Variants in UPP2 observed in about 807,000 individuals in gnomAD.
The protein encoded by UPP2 is uridine phosphorylase 2.
UPP2 carries 23 observed loss-of-function variants against 26.7 expected under a neutral mutation model. The ratio of observed to expected loss-of-function variants is 0.86; its 90% confidence interval spans 0.62 to 1.22. The LOEUF (loss-of-function observed/expected upper bound fraction) is 1.22, where lower values mean the gene tolerates loss of function less well. Ranked by LOEUF, UPP2 falls within the 50% of genes most tolerant of loss-of-function variation. The pLI, the probability that UPP2 is intolerant of heterozygous loss-of-function variation, is 0.00. For synonymous variants in UPP2, 127 were observed against 141.3 expected (o/e 0.90, Z 0.72); for missense variants, 387 against 396.7 (o/e 0.98, Z 0.21).
At chr2:158,076,508 G>A (rs372447962) in intron 3 of UPP2, among the ~76,000 whole-genome samples, 93 of 152,134 alleles carry the variant, frequency 6.1e-4, no homozygotes, top group African/African-American at 2.2e-3. Flanking sequence ...ATGCAAGGAT[G>A]GTTCAACATA....
At chr2:158,005,852 C>A (rs1045353743) in intron 2 of UPP2, among the ~76,000 whole-genome samples, 3 of 152,136 alleles carry the variant, frequency 2.0e-5, no homozygotes, top group Non-Finnish European at 4.4e-5. Context: ...GAGCAGCTCA[C>A]ACTCCACACA....
chr2:158,001,819 C>T (rs1204000023), intron 2 of UPP2, among the ~76,000 whole-genome samples: 3 of 152,056 alleles, frequency 2.0e-5, no homozygotes, highest in South Asian at 4.1e-4. Context: ...GAAAGCAAAA[C>T]ACTGCTTGCA....
At chr2:158,059,595 G>A (rs114342557) in intron 3 of UPP2, among the ~76,000 whole-genome samples, 2 of 152,186 alleles carry the variant, frequency 1.3e-5, no homozygotes, top group African/African-American at 4.8e-5. Flanking sequence ...ACTTGACTTT[G>A]GTCATATTGG....
chr2:158,119,232 C>G (rs1683507747), intron 4 of UPP2, among the ~76,000 whole-genome samples: 1 of 152,048 alleles, frequency 6.6e-6, no homozygotes, highest in South Asian at 2.1e-4. Context: ...TTAACAAACA[C>G]CAGCATGGGC....
At chr2:158,109,646 A>C (rs903939920) in intron 2 of UPP2, among the ~76,000 whole-genome samples, 10 of 152,132 alleles carry the variant, frequency 6.6e-5, no homozygotes, top group African/African-American at 2.4e-4. Flanking sequence ...AATTCTAGTC[A>C]CTGGAACCCA....
rs1442487955 is a variant in UPP2, at chr2:157,996,746, C to T, written c.61+1487C>T. 3.3e-5 allele frequency among the ~76,000 whole-genome samples: 5 copies of T among 152,142 alleles called. No homozygotes were observed. In the East Asian group the frequency reaches 9.7e-4, roughly 29 times the overall value. The stretch of plus-strand genomic sequence containing the variant: ...TAGGATTGCTTTAGGGGACACATAT[C>T]GATGAAGCATATTGATTAAACTTCA... On this transcript the variant is annotated intron_variant, in intron 2 of 9. Coordinates refer to the UPP2 transcript ENST00000605860.
chr2:158,027,164 TCTTAA>T (rs1359131119), intron 3 of UPP2, among the ~76,000 whole-genome samples: 1 of 152,026 alleles, frequency 6.6e-6, no homozygotes, highest in African/African-American at 2.4e-5. Flanking sequence ...TCCCCTAAAG[TCTTAA>T]CTCATTTCAG....
chr2:158,068,800 A>T lies in UPP2; in HGVS notation c.148-33240A>T, dbSNP rs1341556965. The stretch of plus-strand genomic sequence containing the variant: ...TATATATATATATATATATATATAT[A>T]TATTTTTTTTTTTTTTTTTTTTTTT... On this transcript the variant is annotated intron_variant, in intron 3 of 9. Transcript: ENST00000605860. 1.4e-3 allele frequency among the ~76,000 whole-genome samples: 23 copies of T among 16,676 alleles called. 1 individual carries two copies. Among genetic ancestry groups the T allele is most frequent in the African/African-American group, 3.3e-3 (13 of 3,940 alleles). 10.9% of individuals were successfully genotyped at this position (16,676 alleles called of 152,430 possible).
At chr2:157,995,230 A>G in exon 2 of UPP2, 1 of 1,613,734 alleles carries the variant, frequency 6.2e-7, no homozygotes, top group Non-Finnish European at 8.5e-7. Flanking sequence ...TTGGACCCAG[A>G]CCAAGAAGTG....
intron 3 of UPP2, among the ~76,000 whole-genome samples, chr2:158,041,828 C>A (rs755140782): frequency 1.3e-5 from 2 of 152,138 alleles, no homozygotes; most frequent in Non-Finnish European, 2.9e-5. Flanking sequence ...CCCACCTCCC[C>A]CACACTGAAT....
At chr2:158,092,148 C>T (rs146567368) in intron 3 of UPP2, among the ~76,000 whole-genome samples, 1 of 152,176 alleles carries the variant, frequency 6.6e-6, no homozygotes, top group Non-Finnish European at 1.5e-5. Flanking sequence ...GGTGGCCTAA[C>T]ATACATCTAA....
At chr2:157,998,343 T>C (rs1014650344) in intron 2 of UPP2, among the ~76,000 whole-genome samples, 8 of 152,168 alleles carry the variant, frequency 5.3e-5, no homozygotes, top group African/African-American at 1.7e-4. Context: ...TTCACTAAGA[T>C]ATTCAGAAAT....
chr2:158,095,918 G>C (rs116769970), intron 3 of UPP2, among the ~76,000 whole-genome samples: 208 of 152,146 alleles, frequency 1.4e-3, no homozygotes, highest in African/African-American at 4.5e-3. Context: ...TATTTCCAAT[G>C]AAATAGCTTT....
intron 3 of UPP2, among the ~76,000 whole-genome samples, chr2:158,088,574 G>C (rs1229392009): frequency 6.6e-6 from 1 of 152,122 alleles, no homozygotes; most frequent in East Asian, 1.9e-4. Context: ...CATATTACTA[G>C]AATTTTTTTT....
intron 3 of UPP2, among the ~76,000 whole-genome samples, chr2:158,083,471 C>G (rs1008434742): frequency 1.3e-5 from 2 of 151,758 alleles, no homozygotes; most frequent in Admixed American, 1.3e-4. Flanking sequence ...AACCAAACAC[C>G]GCATGTTTTC....
intron 3 of UPP2, among the ~76,000 whole-genome samples, chr2:158,031,974 C>A (rs1475104068): frequency 9.2e-5 from 14 of 152,202 alleles, no homozygotes; most frequent in Admixed American, 9.2e-4. Context: ...CATCTTCATA[C>A]AGCTGAATAT....
intron 1 of UPP2, among the ~76,000 whole-genome samples, chr2:158,103,345 T>G (rs1683115566): frequency 6.6e-6 from 1 of 152,166 alleles, no homozygotes. Context: ...TGAAAATAAT[T>G]AATGGCTCTG....
At chr2:158,101,244 C>A (rs938927820), upstream of UPP2, among the ~76,000 whole-genome samples, 5 of 152,114 alleles carry the variant, frequency 3.3e-5, no homozygotes, top group African/African-American at 1.2e-4. Flanking sequence ...AAGTGAGAAG[C>A]ATTAGTGAAA....
intron 3 of UPP2, chr2:158,066,055 G>A: frequency 3.5e-6 from 1 of 287,058 alleles, no homozygotes; most frequent in Non-Finnish European, 6.7e-6. Context: ...AGATACAACT[G>A]TTGCAGTTAA....
Sources: gnomAD v4.1 joint callset for allele counts (sites outside exome capture counted in the v4.1 genomes callset) on GRCh38, gnomAD v4.1.1 for gene constraint, MANE v1.5 for transcripts, NCBI Gene and HGNC (gene_info 2026-07-23, HGNC 2026-07-21) for gene names.